CERS6: variants seen among roughly 807,000 people sequenced by gnomAD.
CERS6 encodes ceramide synthase 6.
A neutral mutation model predicts 56.8 loss-of-function variants in CERS6; 26 were observed. That is an observed-to-expected ratio of 0.46 (90% CI 0.34 to 0.63). The LOEUF is 0.63. Ranked by LOEUF, CERS6 falls within the 30% of genes least tolerant of loss-of-function variation. CERS6 has a pLI of 0.01. For synonymous variants in CERS6, 164 were observed against 173.3 expected (o/e 0.95, Z 0.42); for missense variants, 415 against 467.5 (o/e 0.89, Z 1.04).
chr2:168,668,485 C>T (rs1286421970), intron 4 of CERS6, among the ~76,000 whole-genome samples: 3 of 139,652 alleles, frequency 2.1e-5, no homozygotes, highest in Admixed American at 7.4e-5. Flanking sequence ...CTCATTCTGT[C>T]GCCCAGGCTG....
chr2:168,723,759 T>C (rs892315220), intron 8 of CERS6, among the ~76,000 whole-genome samples: 1 of 152,234 alleles, frequency 6.6e-6, no homozygotes, highest in African/African-American at 2.4e-5. Flanking sequence ...CACATTTTAC[T>C]AACATATGAA....
intron 3 of CERS6, among the ~76,000 whole-genome samples, chr2:168,597,159 C>G (rs1019525304): frequency 6.6e-6 from 1 of 152,124 alleles, no homozygotes; most frequent in Non-Finnish European, 1.5e-5. Flanking sequence ...AAGAAGAGAC[C>G]TGGAGCCAGT....
intron 1 of CERS6, among the ~76,000 whole-genome samples, chr2:168,498,197 AC>A (rs1376024368): frequency 6.6e-6 from 1 of 150,660 alleles, no homozygotes; most frequent in Non-Finnish European, 1.5e-5. Context: ...GTTATTGATA[AC>A]CTCTTTGTCG....
intron 8 of CERS6, among the ~76,000 whole-genome samples, chr2:168,743,256 A>G (rs1307403619): frequency 6.6e-6 from 1 of 151,318 alleles, no homozygotes; most frequent in Non-Finnish European, 1.5e-5. Flanking sequence ...ATATATATAT[A>G]CACGTATGTA....
intron 1 of CERS6, among the ~76,000 whole-genome samples, chr2:168,525,455 T>G (rs1355835633): frequency 2.6e-5 from 4 of 152,258 alleles, no homozygotes; most frequent in African/African-American, 9.6e-5. Flanking sequence ...TGATTTGAGT[T>G]GGCCTAGAAT....
intron 6 of CERS6, among the ~76,000 whole-genome samples, chr2:168,701,734 C>T (rs1423198971): frequency 1.3e-5 from 2 of 151,950 alleles, no homozygotes; most frequent in Admixed American, 6.6e-5. Context: ...TGGCCAGTTG[C>T]GGTACTCCCA....
At chr2:168,495,035 T>C (rs1694441207) in intron 1 of CERS6, among the ~76,000 whole-genome samples, 1 of 152,194 alleles carries the variant, frequency 6.6e-6, no homozygotes, top group Non-Finnish European at 1.5e-5. Context: ...CAGGTGCATC[T>C]GCCATGCAGG....
chr2:168,674,767 G>A lies in CERS6; in HGVS notation c.466-16267G>A, dbSNP rs554340027. On this transcript the variant is annotated intron_variant, in intron 4 of 9. Coordinates refer to ENST00000305747, the MANE Select transcript of CERS6 (RefSeq NM_203463.3). ...TCGGCTCCATGTGATATTCAGAGAC[G>A]GGTTTTTTTCTTTTCTTGATTTGCC... 2.6e-5 allele frequency among the ~76,000 whole-genome samples: 4 copies of A among 152,204 alleles called. 1 individual carries two copies. Among genetic ancestry groups the A allele is most frequent in the African/African-American group, 7.2e-5 (3 of 41,538 alleles).
intron 1 of CERS6, among the ~76,000 whole-genome samples, chr2:168,536,656 A>G (rs991549804): frequency 6.6e-6 from 1 of 152,210 alleles, no homozygotes; most frequent in African/African-American, 2.4e-5. Flanking sequence ...TTCTGTGGGA[A>G]ATATTCACAG....
chr2:168,703,022 A>G (rs1266052812), intron 6 of CERS6, among the ~76,000 whole-genome samples: 2 of 151,944 alleles, frequency 1.3e-5, no homozygotes, highest in Non-Finnish European at 2.9e-5. Context: ...CTTCTCACCA[A>G]TTTTTTTTGA....
intron 4 of CERS6, among the ~76,000 whole-genome samples, chr2:168,670,083 A>G (rs1465375129): frequency 1.3e-5 from 2 of 152,216 alleles, no homozygotes; most frequent in Non-Finnish European, 2.9e-5. Flanking sequence ...AATAAAATCA[A>G]TGACATCTAT....
chr2:168,740,937 G>A (rs1683880550), intron 8 of CERS6, among the ~76,000 whole-genome samples: 1 of 152,190 alleles, frequency 6.6e-6, no homozygotes, highest in East Asian at 1.9e-4. Flanking sequence ...GCTTCCAGAG[G>A]AATTCAGGAG....
At chr2:168,505,460 A>G (rs1267823772) in intron 1 of CERS6, among the ~76,000 whole-genome samples, 1 of 151,982 alleles carries the variant, frequency 6.6e-6, no homozygotes, top group Non-Finnish European at 1.5e-5. Context: ...TATCAGATAG[A>G]TAGAAGCAGA....
intron 1 of CERS6, among the ~76,000 whole-genome samples, chr2:168,483,907 T>A (rs935051819): frequency 2.6e-5 from 4 of 152,172 alleles, no homozygotes; most frequent in African/African-American, 9.7e-5. Context: ...AATTTCTGAA[T>A]CAGTAGATTT....
intron 3 of CERS6, among the ~76,000 whole-genome samples, chr2:168,605,346 A>G (rs1485739816): frequency 1.3e-5 from 2 of 152,228 alleles, no homozygotes; most frequent in Non-Finnish European, 2.9e-5. Flanking sequence ...GGCTGCTTCT[A>G]ACATCCTGTG....
intron 4 of CERS6, among the ~76,000 whole-genome samples, chr2:168,659,791 A>G (rs1219235000): frequency 6.6e-6 from 1 of 152,100 alleles, no homozygotes; most frequent in Admixed American, 6.5e-5. Flanking sequence ...TGACACACTG[A>G]CTGGCACACA....
chr2:168,654,079 A>G (rs1685410731), intron 4 of CERS6, among the ~76,000 whole-genome samples: 1 of 152,238 alleles, frequency 6.6e-6, no homozygotes. Context: ...CTCAGGAATC[A>G]AAAGACATCA....
intron 6 of CERS6, among the ~76,000 whole-genome samples, chr2:168,703,575 A>AC (rs1162770814): frequency 2.6e-5 from 4 of 152,108 alleles, no homozygotes; most frequent in African/African-American, 9.7e-5. Flanking sequence ...AAACAAACAA[A>AC]AAAAAAGTGA....
intron 1 of CERS6, among the ~76,000 whole-genome samples, chr2:168,464,267 C>T (rs1693831411): frequency 6.6e-6 from 1 of 150,976 alleles, no homozygotes; most frequent in Non-Finnish European, 1.5e-5. Flanking sequence ...ATCTCAGCTA[C>T]TGCAACCTCT....
Sources: gnomAD v4.1 joint callset for allele counts (sites outside exome capture counted in the v4.1 genomes callset) on GRCh38, gnomAD v4.1.1 for gene constraint, MANE v1.5 for transcripts, NCBI Gene and HGNC (gene_info 2026-07-23, HGNC 2026-07-21) for gene names.